The following SORL1 variants were observed in gnomAD, a reference collection of about 807,000 sequenced individuals.
The protein encoded by SORL1 is sortilin related receptor 1, also known as sortilin-related receptor.
A neutral mutation model predicts 273.7 loss-of-function variants in SORL1; 127 were observed. The ratio of observed to expected loss-of-function variants is 0.46; its 90% CI spans 0.40 to 0.54. The LOEUF is 0.54. SORL1 is among the 20% of genes least tolerant of loss of function. The probability of loss-of-function intolerance (pLI) is 0.00; values close to 1 mark genes in which losing one functional copy is unlikely to be tolerated. For missense variants in SORL1, 2,494 were observed against 2,846.1 expected (o/e 0.88, Z 2.81); for synonymous variants, 1,031 against 1,067.4 (o/e 0.97, Z 0.66).
chr11:121,589,231 A>C, intron 28 of SORL1, 28 bp from the exon 29 acceptor site: 1 of 1,611,158 alleles, frequency 6.2e-7, no homozygotes, highest in Non-Finnish European at 8.5e-7. Context: ...AAGTTCCTGG[A>C]CTTCATGGAT....
At chr11:121,464,204 C>T (rs141724115) in intron 1 of SORL1, among the ~76,000 whole-genome samples, 81 of 152,260 alleles carry the variant, frequency 5.3e-4, no homozygotes, top group African/African-American at 1.9e-3. Flanking sequence ...CTAGGACATC[C>T]TGATTTTTGG....
Position 121,614,932 on chromosome 11 carries a change from G to T in SORL1, c.5481G>T (p.Gly1827=), listed in dbSNP as rs1446539318. The stretch of plus-strand genomic sequence containing the variant: ...CTGCCTGGGCCAAGACTGACTTGGG[G>T]GATAGCCCTCTGGCATTTGAGCATG... The part of the protein sequence containing the change: ...EISAWAKTDL[G]DSPLAFEHVM... The change falls in exon 41 of 48, where the codon GGG becomes GGT. Residue 1827 remains glycine, a synonymous_variant. Coordinates refer to ENST00000260197, the MANE Select transcript of SORL1 (RefSeq NM_003105.6). 1.2e-5 allele frequency: 20 copies of T among 1,613,424 alleles called. No homozygotes were observed. Among genetic ancestry groups the T allele is most frequent in the Non-Finnish European group, 1.7e-5 (20 of 1,179,714 alleles).
At chr11:121,520,593 A>G in intron 8 of SORL1, 64 bp from the exon 9 acceptor site, 1 of 1,159,272 alleles carries the variant, frequency 8.6e-7, no homozygotes, top group Non-Finnish European at 1.2e-6. Context: ...GTCAAATTTT[A>G]TGTTATTTAC....
At chr11:121,607,935 C>T (rs1338781813) in intron 37 of SORL1, among the ~76,000 whole-genome samples, 169 bp from the exon 38 acceptor site, 2 of 152,070 alleles carry the variant, frequency 1.3e-5, no homozygotes, top group Non-Finnish European at 2.9e-5. Context: ...GGCTTTTTTG[C>T]CCTCTTATTT....
intron 18 of SORL1, among the ~76,000 whole-genome samples, chr11:121,556,219 C>T (rs976541876): frequency 5.9e-5 from 9 of 152,204 alleles, no homozygotes; most frequent in African/African-American, 1.9e-4. Flanking sequence ...AGGACACACA[C>T]GTTCTTGTTC....
intron 32 of SORL1, among the ~76,000 whole-genome samples, chr11:121,600,218 G>A (rs117707792): frequency 0.024 from 3,687 of 152,262 alleles, 67 homozygotes; most frequent in Middle Eastern, 0.068. Flanking sequence ...TGCGATTTTG[G>A]TCTTATCTCC....
chr11:121,462,507 C>T (rs1446101291), intron 1 of SORL1, among the ~76,000 whole-genome samples: 1 of 152,188 alleles, frequency 6.6e-6, no homozygotes, highest in East Asian at 1.9e-4. Context: ...ATCATCATTC[C>T]TGGAATTAGT....
chr11:121,504,275 G>A (rs948245235), intron 6 of SORL1, among the ~76,000 whole-genome samples: 1 of 152,152 alleles, frequency 6.6e-6, no homozygotes, highest in Admixed American at 6.5e-5. Flanking sequence ...AGCTGGGCGT[G>A]GTGGAGCGCA....
At chr11:121,490,205 T>C in intron 5 of SORL1, 95 bp downstream of exon 5, 1 of 810,862 alleles carries the variant, frequency 1.2e-6, no homozygotes, top group Non-Finnish European at 2.1e-6. Flanking sequence ...CCCTGAAATG[T>C]CCAGCATTTA....
At chr11:121,545,956 G>A (rs1226117145) in intron 14 of SORL1, among the ~76,000 whole-genome samples, 1 of 152,258 alleles carries the variant, frequency 6.6e-6, no homozygotes, top group African/African-American at 2.4e-5. Flanking sequence ...TGCCTCAGAG[G>A]AGGAACTGGT....
chr11:121,526,491 A>G (rs1862125966), intron 11 of SORL1, among the ~76,000 whole-genome samples: 1 of 152,138 alleles, frequency 6.6e-6, no homozygotes, highest in Admixed American at 6.5e-5. Flanking sequence ...GTCAATTTCT[A>G]TGGAATCTGC....
rs755074440 is a variant in SORL1 at position 121,586,281 on chromosome 11, T to G, written c.3766T>G (p.Cys1256Gly). The G allele has an allele frequency of 6.2e-7, 1 of 1,613,978 alleles. No individual in the cohort carries two copies. Reference sequence around the variant, plus strand: ...CACTTGCATCCCATCCAGCAAACATTGTGATGGTCTGCGTGATTGCTCTGA... The same window carrying G: ...CACTTGCATCCCATCCAGCAAACATGGTGATGGTCTGCGTGATTGCTCTGA... Reference protein sequence around the residue: ...NGTCIPSSKHCDGLRDCSDGS... With the variant: ...NGTCIPSSKHGDGLRDCSDGS... The change falls in exon 27 of 48, where the codon TGT (cysteine) becomes GGT (glycine). Residue 1256 changes from cysteine (C) to glycine (G), a missense_variant. This residue lies in a region of SORL1 where 1,609 missense variants were observed against 1,816.4 expected (regional missense o/e 0.89). Coordinates refer to ENST00000260197, the MANE Select transcript of SORL1 (RefSeq NM_003105.6).
chr11:121,607,936 CCT>C lies in SORL1; in HGVS notation c.5167-165_5167-164del, dbSNP rs138456109. On this transcript the variant is annotated intron_variant, in intron 37 of 47. Transcript: ENST00000260197. ...AAGCTCCTTCCCTTGGCTTTTTTGC[CCT>C]CTTATTTCAGATGCTGGGGCCTCTG... 2.4e-3 allele frequency among the ~76,000 whole-genome samples: 366 copies of C among 152,182 alleles called. 3 individuals are homozygous for C. Among genetic ancestry groups the C allele is most frequent in the African/African-American group, 8.2e-3 (342 of 41,500 alleles).
In SORL1 at chr11:121,550,728, G is replaced by A. The variant is rs1315427033; in HGVS notation, c.2266+58G>A. On this transcript the variant is annotated intron_variant, in intron 16 of 47. Transcript: ENST00000260197. This position sits in a 1 kb window ranked among gnomAD's most constrained non-coding sequence, Gnocchi z 5.3. The stretch of plus-strand genomic sequence containing the variant: ...TGAGACATGGTTGAAGCAGTATCAC[G>A]ATCTCACCCAAGTCCGGGCTTGTGG... 3.6e-6 allele frequency: 5 copies of A among 1,392,908 alleles called. No homozygotes were observed. Among genetic ancestry groups the A allele is most frequent in the East Asian group, 4.6e-5 (2 of 43,396 alleles). 86.3% of individuals were successfully genotyped at this position (1,392,908 alleles called of 1,614,324 possible).
intron 25 of SORL1, 149 bp from the exon 26 acceptor site, chr11:121,583,309 C>G: frequency 1.1e-6 from 1 of 892,468 alleles, no homozygotes; most frequent in East Asian, 3.3e-5. Context: ...CCCAAGTGCC[C>G]AATTCTCAGC....
At chr11:121,477,048 T>C (rs1861279726) in intron 2 of SORL1, among the ~76,000 whole-genome samples, 1 of 152,074 alleles carries the variant, frequency 6.6e-6, no homozygotes. Flanking sequence ...CACCTCAGTC[T>C]CCTAAAGTGT....
chr11:121,557,277 G>C (rs1191438515), intron 18 of SORL1, 37 bp from the exon 19 acceptor site: 6 of 1,480,358 alleles, frequency 4.1e-6, no homozygotes, highest in Non-Finnish European at 5.7e-6. Flanking sequence ...AAGGAGCTCC[G>C]ATCCATCTCA....
intron 12 of SORL1, among the ~76,000 whole-genome samples, chr11:121,536,503 C>T (rs570350775): frequency 1.7e-4 from 26 of 149,428 alleles, no homozygotes; most frequent in South Asian, 2.2e-4. Context: ...CAGACTCAAG[C>T]GGTCCTCCCA....
At chr11:121,515,880 C>T (rs1435852768) in intron 8 of SORL1, among the ~76,000 whole-genome samples, 1 of 152,170 alleles carries the variant, frequency 6.6e-6, no homozygotes, top group Non-Finnish European at 1.5e-5. Flanking sequence ...CTCCTGACCT[C>T]AAGTGATCTG....
Sources: gnomAD v4.1 joint callset for allele counts (sites outside exome capture counted in the v4.1 genomes callset) on GRCh38, gnomAD v4.1.1 for gene constraint, gnomAD v4.1.1 regional missense constraint, Gnocchi (gnomAD v3.1) non-coding constraint, MANE v1.5 for transcripts, NCBI Gene and HGNC (gene_info 2026-07-23, HGNC 2026-07-21) for gene names.